The following CUBN variants were observed in gnomAD, a reference collection of about 807,000 sequenced individuals.
CUBN encodes the protein 460 kDa receptor.
CUBN carries 282 observed loss-of-function variants against 405.3 expected under a neutral mutation model. The ratio of observed to expected loss-of-function variants is 0.70; its 90% CI spans 0.63 to 0.77. The LOEUF is 0.77. CUBN is among the 30% of genes least tolerant of loss of function. The probability of loss-of-function intolerance (pLI) is 0.00; values close to 1 mark genes in which losing one functional copy is unlikely to be tolerated. For missense variants in CUBN, 4,514 were observed against 4,475.2 expected (o/e 1.01, Z -0.25); for synonymous variants, 1,684 against 1,617.0 (o/e 1.04, Z -0.99).
rs770245245 is a variant in CUBN, at chr10:16,907,596, T to C, written c.7617A>G (p.Ser2539=). Reference sequence around the variant, plus strand: ...AAAAAATGACTTTCATTGTGTTTCCTGAAGATTTAATCTCATTGCTTACAT... The same window carrying C: ...AAAAAATGACTTTCATTGTGTTTCCCGAAGATTTAATCTCATTGCTTACAT... The part of the protein sequence containing the change: ...SVNVSNEIKS[S]GNTMKVIFFT... The change falls in exon 49 of 67, where the codon TCA becomes TCG. Residue 2539 remains serine, a synonymous_variant. Coordinates refer to ENST00000377833, the MANE Select transcript of CUBN (RefSeq NM_001081.4). 7 of 1,613,614 alleles carry C rather than the reference T, an allele frequency of 4.3e-6. No individual in the cohort carries two copies. The Admixed American group carries it at 1.2e-4, about 27-fold the overall frequency.
chr10:16,897,047 T>A (rs1489850137), intron 54 of CUBN, among the ~76,000 whole-genome samples: 1 of 152,232 alleles, frequency 6.6e-6, no homozygotes, highest in Non-Finnish European at 1.5e-5. Flanking sequence ...TGCTGATATT[T>A]TCTATTTGTT....
At chr10:16,974,097 C>T (rs75495264) in intron 31 of CUBN, among the ~76,000 whole-genome samples, 9,297 of 152,284 alleles carry the variant, frequency 0.061, 603 homozygotes, top group East Asian at 0.18. Context: ...GTGGAGAACT[C>T]TCTATGTGAC....
At position 16,831,150 on chromosome 10, in the gene CUBN, G is replaced by C. The variant is rs188885159; in HGVS notation, c.10528+102C>G. The C allele has an allele frequency of 6.2e-4, 606 of 979,604 alleles. 4 individuals carry two copies. The East Asian group carries it at 0.013, about 20-fold the overall frequency. 60.7% of individuals were successfully genotyped at this position (979,604 alleles called of 1,614,324 possible). On this transcript the variant is annotated intron_variant, in intron 65 of 66. Coordinates refer to ENST00000377833, the MANE Select transcript of CUBN (RefSeq NM_001081.4). ...CTCTATTCTTAACATAAACTAATCA[G>C]GTACACAGGTAGCTAAAAATATAAA...
In CUBN at chr10:17,100,035, A is replaced by G. The variant is rs939391136; in HGVS notation, c.1735T>C (p.Phe579Leu). Residue 579 changes from phenylalanine to leucine, a missense_variant, in exon 14 of 67, where the codon TTT becomes CTT. Around this residue, in one of 5 missense-constraint regions of CUBN, gnomAD observed 1,448 missense variants for 1,388.0 expected, o/e 1.04. Coordinates refer to ENST00000377833, the MANE Select transcript of CUBN (RefSeq NM_001081.4). ...YSEHLRNGRGFTVRWETQQPE... is the reference protein window; with the variant it reads ...YSEHLRNGRGLTVRWETQQPE... ...TGCTGTGTTTCCCATCTTACTGTAAAGCCTCTCCCATTTCTTAAATGTTCA... is the reference window on the plus strand; with the variant it reads ...TGCTGTGTTTCCCATCTTACTGTAAGGCCTCTCCCATTTCTTAAATGTTCA... The G allele has an allele frequency of 3.7e-5, 59 of 1,613,646 alleles. No homozygotes were observed. Among genetic ancestry groups the G allele is most frequent in the Non-Finnish European group, 5.0e-5 (59 of 1,179,728 alleles).
intron 54 of CUBN, among the ~76,000 whole-genome samples, chr10:16,894,573 C>T (rs992425760): frequency 9.2e-5 from 14 of 152,072 alleles, no homozygotes; most frequent in African/African-American, 3.4e-4. Context: ...CAACCAATAC[C>T]ACATTGTCTT....
Position 17,045,942 on chromosome 10 carries a change from G to A in CUBN, c.3482C>T (p.Ser1161Leu). 6.2e-7 allele frequency: 1 copy of A among 1,613,816 alleles called. No homozygotes were observed. The highest frequency in any genetic ancestry group is 8.5e-7 in the Non-Finnish European group (1 of 1,179,930). ...RSGFSAYWDGSSTGCGGNLTT... is the reference protein window; with the variant it reads ...RSGFSAYWDGLSTGCGGNLTT... ...AGCTCTTTGCTATTTACCTGTTGAT[G>A]ACCCATCCCAGTAAGCTGAGAATCC... is the stretch of plus-strand genomic sequence containing the variant. The change falls in exon 24 of 67, where the codon TCA becomes TTA. Residue 1161 changes from serine to leucine, a missense_variant. This residue lies in a region of CUBN where 242 missense variants were observed against 309.0 expected (regional missense o/e 0.78). Coordinates refer to ENST00000377833, the MANE Select transcript of CUBN (RefSeq NM_001081.4).
Position 17,122,837 on chromosome 10 carries a change from C to T in CUBN, c.551G>A (p.Cys184Tyr). The T allele has an allele frequency of 1.2e-6, 2 of 1,613,346 alleles. No homozygotes were observed. Among genetic ancestry groups the T allele is most frequent in the Non-Finnish European group, 1.7e-6 (2 of 1,179,728 alleles). Reference protein sequence around the residue: ...CEIYSGTPLSCQNGGTCVNTM... With the variant: ...CEIYSGTPLSYQNGGTCVNTM... ...ATTAACACATGTGCCTCCATTCTGGCAGCTCAAGGGTGTTCCTGAGTAAAT... is the reference window on the plus strand; with the variant it reads ...ATTAACACATGTGCCTCCATTCTGGTAGCTCAAGGGTGTTCCTGAGTAAAT... The change falls in exon 6 of 67, where the codon TGC becomes TAC. Residue 184 changes from cysteine to tyrosine, a missense_variant. This residue lies in a region of CUBN where 1,448 missense variants were observed against 1,388.0 expected (regional missense o/e 1.04). Transcript: ENST00000377833.
intron 51 of CUBN, among the ~76,000 whole-genome samples, chr10:16,902,121 GTA>G (rs943338464): frequency 7.9e-6 from 1 of 126,272 alleles, no homozygotes; most frequent in Non-Finnish European, 1.6e-5. Flanking sequence ...ACCATATATA[GTA>G]TATATATACA....
At chr10:16,893,395 C>CGTGT (rs34859798) in intron 54 of CUBN, among the ~76,000 whole-genome samples, 9 of 150,396 alleles carry the variant, frequency 6.0e-5, no homozygotes, top group South Asian at 4.2e-4. Context: ...TACTTGAACT[C>CGTGT]GTGTGTGTGT....
intron 8 of CUBN, 95 bp from the exon 9 acceptor site, chr10:17,111,145 A>G (rs1233391937): frequency 3.0e-6 from 4 of 1,350,858 alleles, no homozygotes; most frequent in South Asian, 1.2e-5. Flanking sequence ...TTCTCCACCT[A>G]AGGAACTATA....
chr10:16,953,121 T>G (rs986498602), intron 32 of CUBN, among the ~76,000 whole-genome samples: 1 of 152,224 alleles, frequency 6.6e-6, no homozygotes. Context: ...ACATTGAGCA[T>G]TCCAATGGCA....
At chr10:17,008,980 A>G (rs1834105432) in intron 28 of CUBN, among the ~76,000 whole-genome samples, 1 of 152,038 alleles carries the variant, frequency 6.6e-6, no homozygotes, top group African/African-American at 2.4e-5. Flanking sequence ...ATGGATCAAA[A>G]ATGGCGGGAC....
rs188319859 is a variant in CUBN at position 16,869,124 on chromosome 10, G to A, written c.9454+512C>T. Among the ~76,000 whole-genome samples the A allele has an allele frequency of 4.8e-5, 7 of 146,396 alleles. No homozygotes were observed. In the East Asian group the frequency reaches 1.2e-3, roughly 25 times the overall value. On this transcript the variant is annotated intron_variant, in intron 59 of 66. Transcript: ENST00000377833. ...TCATAAGCTTCTTCCTTCCCATGTT[G>A]TAGGTTCTTCTAGCCTTCCTCCACT...
intron 54 of CUBN, among the ~76,000 whole-genome samples, chr10:16,891,943 T>G (rs922696020): frequency 1.3e-5 from 2 of 152,124 alleles, no homozygotes; most frequent in Non-Finnish European, 1.5e-5. Context: ...CAAACAAGGA[T>G]GTAGTTGGAT....
At chr10:16,881,911 C>A (rs141130171) in intron 56 of CUBN, among the ~76,000 whole-genome samples, 4 of 152,260 alleles carry the variant, frequency 2.6e-5, no homozygotes, top group Non-Finnish European at 4.4e-5. Context: ...TGCATTAGAT[C>A]AAAAATATCA....
chr10:17,040,260 G>C (rs1472149097), intron 27 of CUBN, among the ~76,000 whole-genome samples: 2 of 152,064 alleles, frequency 1.3e-5, no homozygotes, highest in Non-Finnish European at 2.9e-5. Flanking sequence ...AGGGTATCTA[G>C]TGAAAACATT....
intron 64 of CUBN, among the ~76,000 whole-genome samples, chr10:16,832,037 GC>G (rs1839016883): frequency 6.6e-6 from 1 of 152,140 alleles, no homozygotes; most frequent in Non-Finnish European, 1.5e-5. Context: ...AGGCCTTGTT[GC>G]TTTTTTGTTT....
At chr10:16,963,681 T>C (rs1843305493) in intron 31 of CUBN, among the ~76,000 whole-genome samples, 2 of 152,146 alleles carry the variant, frequency 1.3e-5, no homozygotes, top group Non-Finnish European at 2.9e-5. Context: ...AATGGGCAAA[T>C]GACTTGTGGT....
At chr10:17,124,452 G>A (rs1323256412) in intron 4 of CUBN, among the ~76,000 whole-genome samples, 2 of 148,626 alleles carry the variant, frequency 1.3e-5, no homozygotes, top group African/African-American at 2.5e-5. Flanking sequence ...TTTTTGAGAC[G>A]GAGTCTTGCT....
Sources: allele counts gnomAD v4.1 joint callset (sites outside exome capture counted in the v4.1 genomes callset), GRCh38; gene constraint gnomAD v4.1.1; regional missense constraint gnomAD v4.1.1; transcripts MANE v1.5; gene names NCBI Gene and HGNC (gene_info 2026-07-23, HGNC 2026-07-21).